The following IL3RA variants were observed in gnomAD, a reference collection of about 807,000 sequenced individuals.
The protein encoded by IL3RA is interleukin-3 receptor subunit alpha.
IL3RA carries 73 observed loss-of-function variants against 52.3 expected under a neutral mutation model. The ratio of observed to expected loss-of-function variants is 1.40; its 90% CI spans 1.16 to 1.70. The LOEUF is 1.70. IL3RA is among the 40% of genes most tolerant of loss of function. The pLI is 0.00. For synonymous variants in IL3RA, 260 were observed against 194.0 expected (o/e 1.34, Z -2.83); for missense variants, 664 against 504.4 (o/e 1.32, Z -3.03).
At chrX:1,377,902 A>G (rs1211079324) in intron 9 of IL3RA, among the ~76,000 whole-genome samples, 3 of 151,000 alleles carry the variant, frequency 2.0e-5, no homozygotes, top group East Asian at 3.9e-4. Flanking sequence ...AAGAAAAAAA[A>G]TAGGCCGGGT....
chrX:1,361,859 G>T (rs186512952), intron 8 of IL3RA, among the ~76,000 whole-genome samples: 1 of 151,776 alleles, frequency 6.6e-6, no homozygotes, highest in Non-Finnish European at 1.5e-5. Flanking sequence ...AGTGTGGGGG[G>T]AAACTGCCCC....
rs186396501 is a variant in IL3RA, at chrX:1,363,573, C to T, written c.760-1565C>T. ...AAAGTGCTGGGATTACAGGCGTGAG[C>T]CACCGCGCCTGGCCGAGCTATTTCA... On this transcript the variant is annotated intron_variant, in intron 8 of 11. Transcript: ENST00000331035. 1.4e-3 allele frequency among the ~76,000 whole-genome samples: 210 copies of T among 150,580 alleles called. 2 individuals are homozygous for T. In the East Asian group the frequency reaches 0.014, roughly 10 times the overall value.
intron 3 of IL3RA, among the ~76,000 whole-genome samples, 160 bp downstream of exon 3, chrX:1,345,594 A>G (rs1437871068): frequency 5.9e-5 from 9 of 151,648 alleles, no homozygotes; most frequent in Admixed American, 2.0e-4. Context: ...GGTCCATGCC[A>G]TTCTCCTGCC....
chrX:1,363,926 T>C (rs2087704182), intron 8 of IL3RA, among the ~76,000 whole-genome samples: 1 of 151,778 alleles, frequency 6.6e-6, no homozygotes, highest in Non-Finnish European at 1.5e-5. Flanking sequence ...CTCACGCTGG[T>C]AATCCCAGCC....
In IL3RA at chrX:1,348,499, A is replaced by G. The variant is rs1331973236; in HGVS notation, c.252A>G (p.Arg84=). The G allele has an allele frequency of 2.5e-6, 4 of 1,613,800 alleles. No homozygotes were observed. The highest frequency in any genetic ancestry group is 3.4e-6 in the Non-Finnish European group (4 of 1,179,868). Residue 84 remains arginine, a synonymous_variant, in exon 4 of 12, where the codon CGA becomes CGG. Coordinates refer to ENST00000331035, the MANE Select transcript of IL3RA (RefSeq NM_002183.4). ...SLCEVTNYTV[R]VANPPFSTWI... ...GTGAAGTGACCAACTACACCGTCCG[A>G]GTGGCCAACCCACCATTCTCCACGT...
chrX:1,342,465 C>CT (rs1237875264), intron 2 of IL3RA, among the ~76,000 whole-genome samples: 2 of 151,154 alleles, frequency 1.3e-5, no homozygotes, highest in Admixed American at 6.6e-5. Context: ...AGCGCCCGGC[C>CT]TTTTTTTTCA....
intron 8 of IL3RA, among the ~76,000 whole-genome samples, chrX:1,362,066 C>G (rs777397594): frequency 6.6e-6 from 1 of 151,292 alleles, no homozygotes; most frequent in East Asian, 1.9e-4. Flanking sequence ...CTCTCTCTCT[C>G]TGTCTCCGTT....
intron 11 of IL3RA, among the ~76,000 whole-genome samples, chrX:1,381,794 G>C (rs1397346501): frequency 6.6e-6 from 1 of 151,034 alleles, no homozygotes; most frequent in Non-Finnish European, 1.5e-5. Context: ...CCCCTGCCTC[G>C]GCCTCCCAAA....
chrX:1,361,275 C>G (rs1280367797), intron 8 of IL3RA, among the ~76,000 whole-genome samples: 2 of 152,024 alleles, frequency 1.3e-5, no homozygotes, highest in Non-Finnish European at 2.9e-5. Context: ...CTGCCTCTGT[C>G]TGTCTGTCCC....
intron 2 of IL3RA, among the ~76,000 whole-genome samples, chrX:1,343,628 T>G (rs1279913535): frequency 1.4e-5 from 2 of 141,542 alleles, no homozygotes; most frequent in African/African-American, 5.4e-5. Context: ...GATCACGCCA[T>G]TGCACTCCAA....
At chrX:1,368,611 T>A (rs780486094) in intron 9 of IL3RA, among the ~76,000 whole-genome samples, 165 of 152,106 alleles carry the variant, frequency 1.1e-3, no homozygotes, top group African/African-American at 3.4e-3. Context: ...TAAGGTAAAA[T>A]GAGGTCATTA....
At chrX:1,343,200 T>C (rs2085562749) in intron 2 of IL3RA, among the ~76,000 whole-genome samples, 1 of 152,140 alleles carries the variant, frequency 6.6e-6, no homozygotes, top group Non-Finnish European at 1.5e-5. Flanking sequence ...ATTCTTATGC[T>C]TTGGTCCCGC....
In IL3RA at chrX:1,373,863, A is replaced by C. The variant is rs2149187735; in HGVS notation, c.875-4796A>C. ...GACACAGGGAGAAGACGGCATCTCC[A>C]AGCCCAGGAGAGAGGCCTCAGGAGG... On this transcript the variant is annotated intron_variant, in intron 9 of 11. Transcript: ENST00000331035. Among the ~76,000 whole-genome samples the C allele has an allele frequency of 5.4e-5, 4 of 74,748 alleles. 2 individuals carry two copies. The South Asian group carries it at 2.2e-3, about 41-fold the overall frequency. The allele number at this position is 74,748 out of a possible 152,430, so 49.0% of individuals were successfully genotyped here. A position where few individuals can be genotyped will look rare whatever the true frequency, so the allele number is the denominator to read the frequency against.
rs1369923755 is a variant in IL3RA, at chrX:1,365,319, CGCGGGGTGAGCGGGGTGCGCGGGGTGA to C, written c.874+85_874+111del. On this transcript the variant is annotated intron_variant, in intron 9 of 11. Transcript: ENST00000331035. ...CGGGGTGCGCGGGGTGAGCGGGGTGCGCGGGGTGAGCGGGGTGCGCGGGGTGAGCGGGGTGAGCGGGGTGAGCCGGGT... is the reference window on the plus strand; with the variant it reads ...CGGGGTGCGCGGGGTGAGCGGGGTGCGCGGGGTGAGCGGGGTGAGCCGGGT... The C allele has an allele frequency of 1.2e-3, 806 of 671,878 alleles. 13 individuals carry two copies. The highest frequency in any genetic ancestry group is 0.01 in the African/African-American group (247 of 24,534). 41.6% of individuals were successfully genotyped at this position (671,878 alleles called of 1,614,324 possible).
At position 1,346,676 on chromosome X, in the gene IL3RA, G is replaced by A. The variant is rs372093442; in HGVS notation, c.183+1242G>A. Among the ~76,000 whole-genome samples, 577 of 149,816 alleles carry A rather than the reference G, an allele frequency of 3.9e-3. 45 individuals carry two copies. The highest frequency in any genetic ancestry group is 0.014 in the African/African-American group (558 of 39,354). The stretch of plus-strand genomic sequence containing the variant: ...GCTCAGGAAACAAGGTCCTCATCAC[G>A]AAATCCTTCCAAATCCCCCATCTTG... On this transcript the variant is annotated intron_variant, in intron 3 of 11. Coordinates refer to ENST00000331035, the MANE Select transcript of IL3RA (RefSeq NM_002183.4).
At chrX:1,359,205 G>A (rs2086977058) in intron 8 of IL3RA, among the ~76,000 whole-genome samples, 1 of 152,012 alleles carries the variant, frequency 6.6e-6, no homozygotes. Flanking sequence ...GTCCAAACGA[G>A]GTCCACCCAT....
chrX:1,361,755 G>GAAAAAAAAAAAAAAAAAAAAAAAAAA (rs1156722120), intron 8 of IL3RA, among the ~76,000 whole-genome samples: 1 of 81,766 alleles, frequency 1.2e-5, no homozygotes, highest in African/African-American at 4.9e-5. Context: ...TCCGTCTCGA[G>GAAAAAAAAAAAAAAAAAAAAAAAAAA]AAAAAAAAAA....
intron 7 of IL3RA, among the ~76,000 whole-genome samples, chrX:1,358,084 A>G (rs1161894384): frequency 4.0e-5 from 6 of 151,730 alleles, no homozygotes; most frequent in East Asian, 3.9e-4. Context: ...CATCCTGGGC[A>G]ACAGAGTGAG....
At chrX:1,362,038 G>A (rs1328282876) in intron 8 of IL3RA, among the ~76,000 whole-genome samples, 2 of 151,414 alleles carry the variant, frequency 1.3e-5, no homozygotes, top group African/African-American at 2.4e-5. Flanking sequence ...CCCTCTCTCT[G>A]TCTCTTTGTA....
Sources: allele counts gnomAD v4.1 joint callset (sites outside exome capture counted in the v4.1 genomes callset), GRCh38; gene constraint gnomAD v4.1.1; transcripts MANE v1.5; gene names NCBI Gene and HGNC (gene_info 2026-07-23, HGNC 2026-07-21).